REEP3: variants seen among roughly 807,000 people sequenced by gnomAD.
REEP3 encodes receptor accessory protein 3.
Under a neutral mutation model 41.3 loss-of-function variants are expected in REEP3, and 20 were observed. That is an observed-to-expected ratio of 0.48 (90% CI 0.34 to 0.70). The LOEUF is 0.70. REEP3 is among the 30% of genes least tolerant of loss of function. The pLI, the probability that REEP3 is intolerant of heterozygous loss-of-function variation, is 0.01. For missense variants in REEP3, 271 were observed against 308.8 expected (o/e 0.88, Z 0.92); for synonymous variants, 104 against 101.8 (o/e 1.02, Z -0.13).
chr10:63,619,880 C>A, intron 7 of REEP3, 80 bp downstream of exon 7: 2 of 976,914 alleles, frequency 2.0e-6, no homozygotes, highest in South Asian at 2.0e-5. Flanking sequence ...TATTAATGAT[C>A]CATAAATGAA....
intron 1 of REEP3, among the ~76,000 whole-genome samples, chr10:63,561,594 A>G (rs1372356377): frequency 6.6e-6 from 1 of 152,246 alleles, no homozygotes; most frequent in Non-Finnish European, 1.5e-5. Context: ...CCGCTAGTGA[A>G]GTCTTTAAGT....
At chr10:63,611,941 GAA>G (rs200110110) in intron 6 of REEP3, among the ~76,000 whole-genome samples, 1 of 128,578 alleles carries the variant, frequency 7.8e-6, no homozygotes, top group Non-Finnish European at 1.7e-5. Flanking sequence ...CCCTTTCTCA[GAA>G]AAAAAAAAAG....
rs1379734666 is a variant in REEP3 at position 63,619,836 on chromosome 10, G to A, written c.711+36G>A. ...TGTAGAGCTGTTTTCCTAATGATTA[G>A]TGAAGGATTTCCCTGCTGTGTTATC... is the stretch of plus-strand genomic sequence containing the variant. On this transcript the variant is annotated intron_variant, in intron 7 of 7. Coordinates refer to ENST00000373758, the MANE Select transcript of REEP3 (RefSeq NM_001001330.3). 3 of 1,540,726 alleles carry A rather than the reference G, an allele frequency of 1.9e-6. No individual in the cohort carries two copies. In the South Asian group the frequency reaches 3.5e-5, roughly 18 times the overall value.
At chr10:63,606,062 G>A (rs1285529008) in intron 5 of REEP3, 1 of 840,672 alleles carries the variant, frequency 1.2e-6, no homozygotes, top group Non-Finnish European at 1.4e-6. Flanking sequence ...TTAATTACCT[G>A]GACTTTTACA....
chr10:63,617,563 C>T (rs930993074), intron 6 of REEP3, among the ~76,000 whole-genome samples: 15 of 151,956 alleles, frequency 9.9e-5, no homozygotes, highest in African/African-American at 1.5e-4. Flanking sequence ...CCATACCCGG[C>T]TAATTTTTGT....
intron 1 of REEP3, among the ~76,000 whole-genome samples, chr10:63,535,154 G>A (rs1033273582): frequency 6.6e-5 from 10 of 152,078 alleles, no homozygotes; most frequent in African/African-American, 2.2e-4. Flanking sequence ...AGGAAAGGAG[G>A]CTAAAGAGAT....
intron 2 of REEP3, among the ~76,000 whole-genome samples, chr10:63,581,385 T>A (rs779387964): frequency 8.5e-5 from 13 of 152,202 alleles, no homozygotes; most frequent in Non-Finnish European, 1.9e-4. Context: ...GATAAAGTTT[T>A]TTTGAAAAAC....
chr10:63,605,120 C>T (rs1187579434), intron 5 of REEP3, among the ~76,000 whole-genome samples: 2 of 152,140 alleles, frequency 1.3e-5, no homozygotes, highest in Non-Finnish European at 2.9e-5. Context: ...GGTTGAGAAA[C>T]TGCTCTAAAA....
chr10:63,612,220 G>A (rs1393980769), intron 6 of REEP3, among the ~76,000 whole-genome samples: 1 of 151,946 alleles, frequency 6.6e-6, no homozygotes, highest in Non-Finnish European at 1.5e-5. Flanking sequence ...TGTCACCCAG[G>A]CTGGAGTGCG....
intron 3 of REEP3, among the ~76,000 whole-genome samples, chr10:63,596,848 G>A (rs555817161): frequency 9.9e-5 from 15 of 152,224 alleles, no homozygotes; most frequent in Admixed American, 6.5e-4. Flanking sequence ...CATGATGATA[G>A]CTCACCGCAC....
At chr10:63,557,172 T>C (rs1955695542) in intron 1 of REEP3, among the ~76,000 whole-genome samples, 1 of 152,166 alleles carries the variant, frequency 6.6e-6, no homozygotes, top group Non-Finnish European at 1.5e-5. Context: ...TTCTGTGATG[T>C]AAAGTACTGC....
At chr10:63,552,125 C>A (rs1165248191) in intron 1 of REEP3, among the ~76,000 whole-genome samples, 2 of 152,136 alleles carry the variant, frequency 1.3e-5, no homozygotes, top group Admixed American at 1.3e-4. Context: ...AGCACTGGGG[C>A]CGGGCACAGT....
Position 63,620,852 on chromosome 10 carries a change from C to G in REEP3, c.751C>G (p.Pro251Ala). 2 of 1,607,268 alleles carry G rather than the reference C, an allele frequency of 1.2e-6. No individual in the cohort carries two copies. Among genetic ancestry groups the G allele is most frequent in the Non-Finnish European group, 1.7e-6 (2 of 1,175,478 alleles). Residue 251 changes from proline to alanine, a missense_variant, in exon 8 of 8, where the codon CCA (proline) becomes GCA (alanine). Coordinates refer to ENST00000373758, the MANE Select transcript of REEP3 (RefSeq NM_001001330.3). ...ACTAAAATACAAAGTGAAGAAACGA[C>G]CACAAGTGTATTTTTAGTCATCTAC... The part of the protein sequence containing the change: ...GSLKYKVKKR[P>A]QVYF
rs989936780 is a variant in REEP3 at position 63,555,291 on chromosome 10, A to G, written c.33-11047A>G. On this transcript the variant is annotated intron_variant, in intron 1 of 7. Coordinates refer to ENST00000373758, the MANE Select transcript of REEP3 (RefSeq NM_001001330.3). ...CATGGGTTTGACTCTTTCTCCTTGT[A>G]TGGAATTTTCATATTTTTCTTTAAG... 5.3e-5 allele frequency among the ~76,000 whole-genome samples: 8 copies of G among 152,138 alleles called. No homozygotes were observed. In the East Asian group the frequency reaches 1.2e-3, roughly 22 times the overall value.
intron 2 of REEP3, among the ~76,000 whole-genome samples, chr10:63,582,662 A>G (rs1955965547): frequency 6.6e-6 from 1 of 152,224 alleles, no homozygotes; most frequent in South Asian, 2.1e-4. Context: ...ACTTCCTCCT[A>G]GTTTCCATTT....
intron 1 of REEP3, among the ~76,000 whole-genome samples, chr10:63,549,606 G>A (rs1955609376): frequency 6.6e-6 from 1 of 152,130 alleles, no homozygotes; most frequent in African/African-American, 2.4e-5. Flanking sequence ...GAAATGATTG[G>A]AATCAGTAAG....
intron 5 of REEP3, among the ~76,000 whole-genome samples, chr10:63,603,602 C>CAAGATTT (rs1298167561): frequency 6.6e-6 from 1 of 152,038 alleles, no homozygotes; most frequent in Non-Finnish European, 1.5e-5. Context: ...AAGTAGAAGC[C>CAAGATTT]CATATCCCCT....
At chr10:63,610,865 T>C (rs953423462) in intron 6 of REEP3, among the ~76,000 whole-genome samples, 1 of 152,020 alleles carries the variant, frequency 6.6e-6, no homozygotes. Flanking sequence ...GGTTAGGAGT[T>C]CACGACCAGC....
chr10:63,594,397 TA>T (rs1365783241), intron 2 of REEP3, among the ~76,000 whole-genome samples: 3 of 152,012 alleles, frequency 2.0e-5, no homozygotes, highest in Non-Finnish European at 4.4e-5. Flanking sequence ...TAAAAATAAA[TA>T]AATAACTTAT....
Sources: gnomAD v4.1 joint callset for allele counts (sites outside exome capture counted in the v4.1 genomes callset) on GRCh38, gnomAD v4.1.1 for gene constraint, MANE v1.5 for transcripts, NCBI Gene and HGNC (gene_info 2026-07-23, HGNC 2026-07-21) for gene names.